Variants in LSAMP observed in about 807,000 individuals in gnomAD.
LSAMP encodes the protein limbic system-associated membrane protein.
In LSAMP, 7 loss-of-function variants were observed where a neutral mutation model predicts 38.6. The observed-to-expected ratio is 0.18, with a 90% CI of 0.10 to 0.34. The LOEUF (loss-of-function observed/expected upper bound fraction) is 0.34, where lower values mean the gene tolerates loss of function less well. LSAMP is among the 10% of genes least tolerant of loss of function. The probability of loss-of-function intolerance (pLI) is 1.00; values close to 1 mark genes in which losing one functional copy is unlikely to be tolerated. For synonymous variants in LSAMP, 154 were observed against 166.8 expected (o/e 0.92, Z 0.59); for missense variants, 313 against 420.0 (o/e 0.75, Z 2.23).
chr3:116,352,654 A>G (rs1398561559), intron 1 of LSAMP, among the ~76,000 whole-genome samples: 1 of 152,166 alleles, frequency 6.6e-6, no homozygotes, highest in African/African-American at 2.4e-5. Context: ...AAAGTAAAAC[A>G]TTCAAATAAC....
At chr3:116,111,705 CT>C (rs1375833571) in intron 1 of LSAMP, among the ~76,000 whole-genome samples, 1 of 152,096 alleles carries the variant, frequency 6.6e-6, no homozygotes, top group Non-Finnish European at 1.5e-5. Flanking sequence ...GACCATGTTT[CT>C]TTTCCGTTTC....
intron 1 of LSAMP, among the ~76,000 whole-genome samples, chr3:116,096,159 G>A (rs1708222192): frequency 6.6e-6 from 1 of 152,178 alleles, no homozygotes; most frequent in Non-Finnish European, 1.5e-5. Context: ...TTTTCGAAGA[G>A]CTTCAGGGTT....
At chr3:115,943,511 A>G (rs1293675098) in intron 3 of LSAMP, among the ~76,000 whole-genome samples, 3 of 152,182 alleles carry the variant, frequency 2.0e-5, no homozygotes, top group South Asian at 2.1e-4. Context: ...AATTTTTCCT[A>G]TAATCAGGGA....
chr3:116,012,372 C>T (rs1278020744), intron 3 of LSAMP, among the ~76,000 whole-genome samples: 1 of 152,114 alleles, frequency 6.6e-6, no homozygotes, highest in African/African-American at 2.4e-5. Context: ...ATAGTATAAT[C>T]ATCTCTTGAA....
intron 1 of LSAMP, among the ~76,000 whole-genome samples, chr3:116,342,902 T>C (rs1462822862): frequency 6.6e-6 from 1 of 152,104 alleles, no homozygotes; most frequent in Non-Finnish European, 1.5e-5. Flanking sequence ...TGTAGGATCA[T>C]TTTCATGATT....
At chr3:116,282,426 G>T (rs1026350880) in intron 1 of LSAMP, among the ~76,000 whole-genome samples, 4 of 152,150 alleles carry the variant, frequency 2.6e-5, no homozygotes, top group African/African-American at 9.7e-5. Context: ...ACATCAGTCT[G>T]TCATTGTAAC....
At chr3:116,027,136 C>A (rs1476423988) in intron 2 of LSAMP, among the ~76,000 whole-genome samples, 1 of 152,058 alleles carries the variant, frequency 6.6e-6, no homozygotes, top group Non-Finnish European at 1.5e-5. Context: ...AACTGGGCAT[C>A]CTTTATTTTT....
At chr3:116,386,887 A>G (rs1648372952) in intron 1 of LSAMP, among the ~76,000 whole-genome samples, 1 of 152,204 alleles carries the variant, frequency 6.6e-6, no homozygotes, top group African/African-American at 2.4e-5. Flanking sequence ...GAATTTTGAT[A>G]GATGGAGGCT....
chr3:116,275,771 T>TGTAA (rs2047043086), intron 1 of LSAMP, among the ~76,000 whole-genome samples: 1 of 151,464 alleles, frequency 6.6e-6, no homozygotes, highest in African/African-American at 2.5e-5. Flanking sequence ...TATTTCCATC[T>TGTAA]CTAATTCCTA....
intron 1 of LSAMP, among the ~76,000 whole-genome samples, chr3:116,243,707 A>G (rs963103877): frequency 3.3e-5 from 5 of 152,186 alleles, no homozygotes; most frequent in Admixed American, 3.3e-4. Context: ...CTGTGCAGCT[A>G]TCACCTTTAT....
chr3:115,996,127 G>A (rs1379712995), intron 3 of LSAMP, among the ~76,000 whole-genome samples: 1 of 152,040 alleles, frequency 6.6e-6, no homozygotes, highest in East Asian at 1.9e-4. Flanking sequence ...ATTCATAACT[G>A]ATTAAAATTT....
intron 1 of LSAMP, among the ~76,000 whole-genome samples, chr3:116,100,520 A>C (rs1014634026): frequency 6.6e-6 from 1 of 151,900 alleles, no homozygotes; most frequent in African/African-American, 2.4e-5. Context: ...ATTGACCTCT[A>C]CTCTCCATCG....
intron 1 of LSAMP, among the ~76,000 whole-genome samples, chr3:116,177,298 A>G (rs1710370629): frequency 6.6e-6 from 1 of 152,096 alleles, no homozygotes; most frequent in Non-Finnish European, 1.5e-5. Flanking sequence ...GATAAGGAAT[A>G]CTTGGATCCT....
At chr3:116,067,211 C>A (rs1357138057) in intron 2 of LSAMP, among the ~76,000 whole-genome samples, 1 of 152,090 alleles carries the variant, frequency 6.6e-6, no homozygotes, top group African/African-American at 2.4e-5. Context: ...TGAGCTTGTA[C>A]CCTCCTAGAG....
At chr3:116,105,255 ACT>A (rs2107457928) in intron 1 of LSAMP, among the ~76,000 whole-genome samples, 1 of 151,850 alleles carries the variant, frequency 6.6e-6, no homozygotes, top group South Asian at 2.1e-4. Flanking sequence ...ATTCTTTGAG[ACT>A]CTGTTCTAGC....
At chr3:116,407,584 G>A (rs992691938) in intron 1 of LSAMP, among the ~76,000 whole-genome samples, 15 of 152,056 alleles carry the variant, frequency 9.9e-5, no homozygotes, top group Admixed American at 2.6e-4. Flanking sequence ...GCATAAAAGC[G>A]AATGGTGACT....
chr3:116,105,449 G>A (rs1481191764), intron 1 of LSAMP, among the ~76,000 whole-genome samples: 11 of 152,098 alleles, frequency 7.2e-5, no homozygotes, highest in African/African-American at 1.2e-4. Context: ...GGCTGAGTCC[G>A]AAAGCAGAGT....
intron 1 of LSAMP, among the ~76,000 whole-genome samples, chr3:116,354,625 T>C (rs1243153985): frequency 6.6e-6 from 1 of 152,196 alleles, no homozygotes; most frequent in East Asian, 1.9e-4. Context: ...GGGCATTGCA[T>C]GCAAATGCAA....
intron 1 of LSAMP, among the ~76,000 whole-genome samples, chr3:116,305,883 C>T (rs2047477640): frequency 6.6e-6 from 1 of 150,886 alleles, no homozygotes; most frequent in Non-Finnish European, 1.5e-5. Context: ...ATCTGAACTT[C>T]TTCAGAATAA....
Sources: gnomAD v4.1 joint callset for allele counts (sites outside exome capture counted in the v4.1 genomes callset) on GRCh38, gnomAD v4.1.1 for gene constraint, MANE v1.5 for transcripts, NCBI Gene and HGNC (gene_info 2026-07-23, HGNC 2026-07-21) for gene names.